Variants in KIAA0319 observed in about 807,000 individuals in gnomAD.
KIAA0319 encodes the protein dyslexia-associated protein KIAA0319.
A neutral mutation model predicts 108.4 loss-of-function variants in KIAA0319; 83 were observed. That is an observed-to-expected ratio of 0.77 (90% CI 0.64 to 0.92). The LOEUF (loss-of-function observed/expected upper bound fraction) is 0.92, where lower values mean the gene tolerates loss of function less well. Ranked by LOEUF, KIAA0319 falls within the 40% of genes least tolerant of loss-of-function variation. The probability of loss-of-function intolerance (pLI) is 0.00; values close to 1 mark genes in which losing one functional copy is unlikely to be tolerated. For missense variants in KIAA0319, 1,195 were observed against 1,322.4 expected (o/e 0.90, Z 1.49); for synonymous variants, 484 against 510.4 (o/e 0.95, Z 0.70).
At chr6:24,541,484 A>G (rs1760190592), downstream of KIAA0319, among the ~76,000 whole-genome samples, 1 of 152,246 alleles carries the variant, frequency 6.6e-6, no homozygotes, top group Non-Finnish European at 1.5e-5. Flanking sequence ...GCTTCAACCT[A>G]TGAATTTTGA....
intron 1 of KIAA0319, among the ~76,000 whole-genome samples, chr6:24,610,979 AC>A (rs746239604): frequency 2.7e-4 from 41 of 152,282 alleles, no homozygotes; most frequent in Non-Finnish European, 5.0e-4. Context: ...AAACAAACAA[AC>A]AAAAAAACCC....
intron 2 of KIAA0319, chr6:24,598,693 T>C (rs995671565): frequency 1.7e-4 from 44 of 264,872 alleles, no homozygotes; most frequent in African/African-American, 8.9e-4. Context: ...CTGACCAACA[T>C]GGTGAAACCC....
At position 24,599,444 on chromosome 6, in the gene KIAA0319, G is replaced by A. The variant is rs1182225964; in HGVS notation, c.55+1605C>T. The A allele has an allele frequency of 1.1e-5, 6 of 552,632 alleles. No individual in the cohort carries two copies. Among genetic ancestry groups the A allele is most frequent in the African/African-American group, 1.9e-5 (1 of 53,264 alleles). The allele number at this position is 552,632 out of a possible 1,614,324, so 34.2% of individuals were successfully genotyped here. On this transcript the variant is annotated intron_variant, in intron 2 of 20. Transcript: ENST00000378214. The surrounding 1 kb of genome is among the most constrained non-coding windows in gnomAD (Gnocchi z 4.1). Reference sequence around the variant, plus strand: ...TGGAGGCCACCCTGCAGTGGGCCATGCAGGACATGGCATGGCAGCTGCATG... The same window carrying A: ...TGGAGGCCACCCTGCAGTGGGCCATACAGGACATGGCATGGCAGCTGCATG...
chr6:24,614,331 T>G (rs1384718114), intron 1 of KIAA0319, among the ~76,000 whole-genome samples: 1 of 152,144 alleles, frequency 6.6e-6, no homozygotes, highest in Non-Finnish European at 1.5e-5. Context: ...TCCCATACCC[T>G]GGAAATATCC....
At chr6:24,635,013 G>C (rs967627476) in intron 1 of KIAA0319, among the ~76,000 whole-genome samples, 5 of 152,162 alleles carry the variant, frequency 3.3e-5, no homozygotes, top group African/African-American at 1.2e-4. Flanking sequence ...ATAAGATAAG[G>C]TGAGCTTAGA....
chr6:24,643,618 A>G (rs1777244468), intron 1 of KIAA0319, among the ~76,000 whole-genome samples: 1 of 152,180 alleles, frequency 6.6e-6, no homozygotes, highest in Non-Finnish European at 1.5e-5. Flanking sequence ...TTTTATGATG[A>G]TTTGATATCA....
intron 1 of KIAA0319, among the ~76,000 whole-genome samples, chr6:24,624,378 T>C (rs1324234188): frequency 6.6e-6 from 1 of 151,918 alleles, no homozygotes; most frequent in Non-Finnish European, 1.5e-5. Context: ...ATCAAACATG[T>C]AAACAAAATC....
intron 3 of KIAA0319, among the ~76,000 whole-genome samples, chr6:24,591,833 T>C (rs533091333): frequency 6.6e-6 from 1 of 152,350 alleles, no homozygotes; most frequent in Non-Finnish European, 1.5e-5. Context: ...GCTATTCTTC[T>C]ATGATCTTTG....
At chr6:24,570,173 G>C in intron 11 of KIAA0319, 138 bp from the exon 12 acceptor site, 3 of 792,478 alleles carry the variant, frequency 3.8e-6, no homozygotes, top group South Asian at 1.8e-5. Context: ...TGGAATCCTG[G>C]AGTGAAGCAC....
intron 10 of KIAA0319, among the ~76,000 whole-genome samples, chr6:24,573,099 T>A (rs545750580): frequency 1.3e-5 from 2 of 152,216 alleles, no homozygotes; most frequent in East Asian, 3.9e-4. Context: ...TGCAGCCTGG[T>A]TGACAGAAAA....
intron 1 of KIAA0319, among the ~76,000 whole-genome samples, chr6:24,606,203 T>C (rs1771378738): frequency 6.6e-6 from 1 of 152,076 alleles, no homozygotes; most frequent in South Asian, 2.1e-4. Flanking sequence ...TCCCAAAGTG[T>C]TGGGATTATA....
chr6:24,556,127 T>C (rs1762253421), intron 18 of KIAA0319, among the ~76,000 whole-genome samples: 1 of 151,768 alleles, frequency 6.6e-6, no homozygotes, highest in South Asian at 2.1e-4. Context: ...ATAGTTCTCT[T>C]TTTCTATCTT....
chr6:24,559,796 AC>A (rs1230802185), intron 16 of KIAA0319, among the ~76,000 whole-genome samples: 2 of 152,220 alleles, frequency 1.3e-5, no homozygotes, highest in African/African-American at 2.4e-5. Context: ...AAGTTGCACA[AC>A]CATCACCACT....
intron 4 of KIAA0319, among the ~76,000 whole-genome samples, chr6:24,584,459 G>C (rs1767139476): frequency 7.3e-6 from 1 of 136,428 alleles, no homozygotes; most frequent in African/African-American, 2.8e-5. Flanking sequence ...AAAAAAAGCT[G>C]AGTGCTCCAG....
chr6:24,550,166 C>G (rs544201900), intron 20 of KIAA0319, among the ~76,000 whole-genome samples: 1 of 152,340 alleles, frequency 6.6e-6, no homozygotes, highest in African/African-American at 2.4e-5. Context: ...ATCAGTCATT[C>G]TGACCTGAGT....
chr6:24,630,710 T>TATATATACAC (rs373537245), intron 1 of KIAA0319, among the ~76,000 whole-genome samples: 143 of 138,690 alleles, frequency 1.0e-3, no homozygotes, highest in African/African-American at 3.4e-3. Flanking sequence ...TATACACATA[T>TATATATACAC]ACACACAAAC....
chr6:24,619,325 C>CA (rs1354709143), intron 1 of KIAA0319, among the ~76,000 whole-genome samples: 1 of 152,000 alleles, frequency 6.6e-6, no homozygotes, highest in Non-Finnish European at 1.5e-5. Flanking sequence ...TGTCTTGCAC[C>CA]AAGGTGATAG....
chr6:24,605,821 A>G (rs1771318682), intron 1 of KIAA0319, among the ~76,000 whole-genome samples: 2 of 152,090 alleles, frequency 1.3e-5, no homozygotes, highest in South Asian at 4.1e-4. Context: ...AACACATCTT[A>G]CCTTTGTATT....
At chr6:24,632,246 G>C (rs919269397) in intron 1 of KIAA0319, among the ~76,000 whole-genome samples, 2 of 152,128 alleles carry the variant, frequency 1.3e-5, no homozygotes, top group Admixed American at 6.6e-5. Flanking sequence ...ATTTATAATA[G>C]TTCTTTGTAT....
Sources: gnomAD v4.1 joint callset for allele counts (sites outside exome capture counted in the v4.1 genomes callset) on GRCh38, gnomAD v4.1.1 for gene constraint, Gnocchi (gnomAD v3.1) non-coding constraint, MANE v1.5 for transcripts, NCBI Gene and HGNC (gene_info 2026-07-23, HGNC 2026-07-21) for gene names.